GLIS3: variants seen among roughly 807,000 people sequenced by gnomAD.
GLIS3 encodes the protein GLIS family zinc finger 3, also known as zinc finger protein GLIS3.
GLIS3 carries 53 observed loss-of-function variants against 78.6 expected under a neutral mutation model. The ratio of observed to expected loss-of-function variants is 0.67; its 90% CI spans 0.54 to 0.85. The LOEUF (loss-of-function observed/expected upper bound fraction) is 0.85, where lower values mean the gene tolerates loss of function less well. Ranked by LOEUF, GLIS3 falls within the 40% of genes least tolerant of loss-of-function variation. The pLI, the probability that GLIS3 is intolerant of heterozygous loss-of-function variation, is 0.00. For missense variants in GLIS3, 1,703 were observed against 1,231.1 expected, an observed-to-expected ratio of 1.38 and a Z score of -5.74; for synonymous variants, 684 against 509.9, an observed-to-expected ratio of 1.34 and a Z score of -4.60.
At chr9:4,083,905 G>A (rs1459544253) in intron 4 of GLIS3, among the ~76,000 whole-genome samples, 2 of 152,058 alleles carry the variant, frequency 1.3e-5, no homozygotes, top group East Asian at 1.9e-4. Flanking sequence ...AAAAGCCAAC[G>A]CATGTAGAAA....
chr9:3,978,863 G>T (rs1369072608), intron 4 of GLIS3, among the ~76,000 whole-genome samples: 2 of 151,638 alleles, frequency 1.3e-5, no homozygotes, highest in African/African-American at 4.8e-5. Context: ...CCAACCCTCA[G>T]ATTAGAAATA....
intron 4 of GLIS3, chr9:4,034,642 G>A (rs1265947593): frequency 6.6e-6 from 1 of 152,190 alleles, no homozygotes; most frequent in Admixed American, 6.5e-5. Context: ...ACATTTACAA[G>A]TCTTCAAGAA....
chr9:4,088,369 A>G (rs977670214), intron 4 of GLIS3, among the ~76,000 whole-genome samples: 5 of 152,270 alleles, frequency 3.3e-5, no homozygotes, highest in South Asian at 2.1e-4. Context: ...TCCAATAATT[A>G]AAGAAGAGAG....
At chr9:4,287,226 GT>G (rs1828077790) in intron 1 of GLIS3, among the ~76,000 whole-genome samples, 1 of 152,198 alleles carries the variant, frequency 6.6e-6, no homozygotes, top group Non-Finnish European at 1.5e-5. Flanking sequence ...GAGAAGGGCT[GT>G]GCAAAACGCC....
intron 2 of GLIS3, among the ~76,000 whole-genome samples, chr9:4,236,140 T>TAG (rs1822712091): frequency 7.9e-6 from 1 of 126,200 alleles, no homozygotes; most frequent in Admixed American, 1.0e-4. Context: ...ATAGCTGGAG[T>TAG]AGTGCTCCCT....
chr9:4,285,360 A>G (rs1278252942), intron 2 of GLIS3, among the ~76,000 whole-genome samples: 3 of 152,182 alleles, frequency 2.0e-5, no homozygotes, highest in Non-Finnish European at 4.4e-5. Flanking sequence ...ATGGTAATTA[A>G]AACACTAATG....
chr9:3,993,491 T>TA (rs1820497685), intron 4 of GLIS3, among the ~76,000 whole-genome samples: 2 of 152,222 alleles, frequency 1.3e-5, no homozygotes, highest in Non-Finnish European at 2.9e-5. Flanking sequence ...TATGAATGTA[T>TA]ATGTACATTT....
At chr9:4,099,472 T>C (rs1316391319) in intron 4 of GLIS3, among the ~76,000 whole-genome samples, 1 of 152,218 alleles carries the variant, frequency 6.6e-6, no homozygotes, top group Non-Finnish European at 1.5e-5. Context: ...CATGTCTTTG[T>C]GTCCAACTTT....
the GLIS3 span, among the ~76,000 whole-genome samples, chr9:4,426,876 G>A: frequency 3.3e-5 from 5 of 152,116 alleles, no homozygotes; most frequent in Admixed American, 6.6e-5. Context: ...ACAGTCCCTG[G>A]CACACTGAAA....
chr9:4,041,767 A>C (rs892472801), intron 4 of GLIS3, among the ~76,000 whole-genome samples: 5 of 152,172 alleles, frequency 3.3e-5, no homozygotes, highest in African/African-American at 1.2e-4. Flanking sequence ...AGAACACCCA[A>C]CCCCACTTCA....
At chr9:4,413,476 T>C in the GLIS3 span, among the ~76,000 whole-genome samples, 1 of 152,184 alleles carries the variant, frequency 6.6e-6, no homozygotes, top group Non-Finnish European at 1.5e-5. Context: ...TGAACTCTGG[T>C]TATTTTTCAG....
intron 4 of GLIS3, among the ~76,000 whole-genome samples, chr9:4,028,014 C>T (rs961317480): frequency 6.6e-6 from 1 of 152,184 alleles, no homozygotes; most frequent in African/African-American, 2.4e-5. Flanking sequence ...CTAGACCAAA[C>T]CAGCGCAACC....
intron 4 of GLIS3, among the ~76,000 whole-genome samples, chr9:4,046,722 C>A (rs938625668): frequency 3.7e-4 from 57 of 152,220 alleles, no homozygotes; most frequent in Middle Eastern, 3.4e-3. Flanking sequence ...AGTTCCTCTA[C>A]CAGGATAATG....
chr9:3,930,919 T>A (rs1389967449), intron 6 of GLIS3, among the ~76,000 whole-genome samples: 2 of 152,188 alleles, frequency 1.3e-5, no homozygotes, highest in Non-Finnish European at 2.9e-5. Flanking sequence ...GTGGTTCTGC[T>A]GAAAGTAGTT....
chr9:4,352,929 G>T (rs146439265), upstream of GLIS3, among the ~76,000 whole-genome samples: 9 of 152,332 alleles, frequency 5.9e-5, no homozygotes, highest in South Asian at 4.1e-4. Context: ...TTTAGTAGGT[G>T]TAAGTAGCCA....
At chr9:4,327,706 G>C (rs1237485785) in intron 2 of GLIS3, among the ~76,000 whole-genome samples, 2 of 152,226 alleles carry the variant, frequency 1.3e-5, no homozygotes, top group African/African-American at 2.4e-5. Flanking sequence ...CCACTTTGCA[G>C]TTAATGGGGC....
chr9:3,856,950 T>C (rs184235462), intron 8 of GLIS3, among the ~76,000 whole-genome samples: 4 of 152,346 alleles, frequency 2.6e-5, no homozygotes, highest in East Asian at 1.9e-4. Flanking sequence ...TGATTGTACA[T>C]TGATCTTCCA....
the GLIS3 span, among the ~76,000 whole-genome samples, chr9:4,478,479 C>T: frequency 1.3e-5 from 2 of 151,842 alleles, no homozygotes; most frequent in African/African-American, 4.8e-5. Flanking sequence ...GGCCTGGTGG[C>T]GGGCGCCTAT....
chr9:4,134,962 G>A (rs1374090611), intron 2 of GLIS3, among the ~76,000 whole-genome samples: 2 of 152,118 alleles, frequency 1.3e-5, no homozygotes, highest in Admixed American at 1.3e-4. Context: ...ATTCTACAGT[G>A]CAGTCAGCAG....
Sources: gnomAD v4.1 joint callset for allele counts (sites outside exome capture counted in the v4.1 genomes callset) on GRCh38, gnomAD v4.1.1 for gene constraint, MANE v1.5 for transcripts, NCBI Gene and HGNC (gene_info 2026-07-23, HGNC 2026-07-21) for gene names.